IL17RD: variants seen among roughly 807,000 people sequenced by gnomAD.
IL17RD encodes the protein interleukin 17 receptor D, also known as interleukin-17 receptor D.
A neutral mutation model predicts 80.5 loss-of-function variants in IL17RD; 52 were observed. That is an observed-to-expected ratio of 0.65 (90% CI 0.52 to 0.81). The LOEUF (loss-of-function observed/expected upper bound fraction) is 0.81. Among genes scored for constraint, IL17RD ranks in the 40% least tolerant of loss-of-function variants. IL17RD has a pLI of 0.00. For synonymous variants in IL17RD, 416 were observed against 391.8 expected (o/e 1.06, Z -0.73); for missense variants, 1,024 against 955.1 (o/e 1.07, Z -0.95).
intron 1 of IL17RD, 101 bp downstream of exon 1, chr3:57,165,060 G>T: frequency 7.3e-7 from 1 of 1,371,176 alleles, no homozygotes; most frequent in Non-Finnish European, 9.3e-7. Context: ...ACCCCGCGAA[G>T]AGCAGACAGG....
chr3:57,105,552 A>AAAAAAAAAAAAAAAAAATAT lies in IL17RD; in HGVS notation c.747+304_747+305insATATTTTTTTTTTTTTTTTT. Among the ~76,000 whole-genome samples the AAAAAAAAAAAAAAAAAATAT allele has an allele frequency of 1.0e-3, 65 of 63,570 alleles. 1 individual carries two copies. Among genetic ancestry groups the AAAAAAAAAAAAAAAAAATAT allele is most frequent in the Non-Finnish European group, 1.6e-3 (58 of 35,910 alleles). The allele number at this position is 63,570 out of a possible 152,430, so 41.7% of individuals were successfully genotyped here. A position where few individuals can be genotyped will look rare whatever the true frequency, so the allele number is the denominator to read the frequency against. On this transcript the variant is annotated intron_variant, in intron 7 of 12. Transcript: ENST00000296318. Reference sequence around the variant, plus strand: ...ACTCCATCTCAAAAAAAAAAAAAAAAATATATATATATATATATTTGTTCA... The same window carrying AAAAAAAAAAAAAAAAAATAT: ...ACTCCATCTCAAAAAAAAAAAAAAAAAAAAAAAAAAAAAAAAATATATATATATATATATATATTTGTTCA...
At chr3:57,114,991 TG>T (rs1658861975) in intron 2 of IL17RD, among the ~76,000 whole-genome samples, 174 bp from the exon 3 acceptor site, 1 of 152,164 alleles carries the variant, frequency 6.6e-6, no homozygotes, top group South Asian at 2.1e-4. Context: ...CTTGGAAAAC[TG>T]TAAGATGTTA....
chr3:57,116,410 A>G (rs1292855259), intron 2 of IL17RD, among the ~76,000 whole-genome samples: 1 of 150,140 alleles, frequency 6.7e-6, no homozygotes, highest in African/African-American at 2.5e-5. Flanking sequence ...CAGCCTCCCG[A>G]GTAGCTGGGA....
intron 3 of IL17RD, among the ~76,000 whole-genome samples, chr3:57,113,233 TTTTA>T (rs1350123906): frequency 1.3e-5 from 2 of 152,168 alleles, no homozygotes; most frequent in African/African-American, 2.4e-5. Flanking sequence ...TTCTTTTGTT[TTTTA>T]TTTATTTATT....
chr3:57,148,939 C>G (rs549645958), intron 1 of IL17RD, among the ~76,000 whole-genome samples: 88 of 152,302 alleles, frequency 5.8e-4, no homozygotes, highest in African/African-American at 2.0e-3. Flanking sequence ...CAACTAACCT[C>G]TGCACCTTTT....
chr3:57,105,733 C>A (rs895618391), intron 7 of IL17RD, 124 bp downstream of exon 7: 6 of 729,298 alleles, frequency 8.2e-6, no homozygotes, highest in Admixed American at 3.0e-5. Context: ...ATTACATTCT[C>A]AAGTATCTAC....
At position 57,105,552 on chromosome 3, in the gene IL17RD, A is replaced by AAAAT; in HGVS notation, c.747+304_747+305insATTT. 7.1e-4 allele frequency among the ~76,000 whole-genome samples: 45 copies of AAAAT among 63,252 alleles called. 2 individuals carry two copies. The highest frequency in any genetic ancestry group is 1.8e-3 in the South Asian group (3 of 1,622). The allele number at this position is 63,252 out of a possible 152,430, so 41.5% of individuals were successfully genotyped here. ...ACTCCATCTCAAAAAAAAAAAAAAA[A>AAAAT]ATATATATATATATATATTTGTTCA... On this transcript the variant is annotated intron_variant, in intron 7 of 12. Transcript: ENST00000296318.
chr3:57,132,041 C>T (rs1299807055), intron 1 of IL17RD, among the ~76,000 whole-genome samples: 3 of 151,950 alleles, frequency 2.0e-5, no homozygotes, highest in Non-Finnish European at 4.4e-5. Flanking sequence ...AAAATATTAG[C>T]CAGACATGGT....
intron 5 of IL17RD, among the ~76,000 whole-genome samples, 183 bp from the exon 6 acceptor site, chr3:57,106,337 A>C (rs1322413536): frequency 6.6e-6 from 1 of 152,240 alleles, no homozygotes; most frequent in African/African-American, 2.4e-5. Context: ...TAAATGGTAT[A>C]ATATAAAAAT....
At chr3:57,156,810 G>A (rs2060270414) in intron 1 of IL17RD, among the ~76,000 whole-genome samples, 1 of 151,176 alleles carries the variant, frequency 6.6e-6, no homozygotes, top group Non-Finnish European at 1.5e-5. Context: ...CTCCAGCTTT[G>A]CCCACATCTT....
intron 1 of IL17RD, among the ~76,000 whole-genome samples, chr3:57,136,639 CTCA>C (rs1707734615): frequency 4.9e-5 from 4 of 81,874 alleles, no homozygotes; most frequent in African/African-American, 2.2e-4. Context: ...CCAACCCCCA[CTCA>C]AAAAAAAAAA....
At chr3:57,121,713 G>C (rs1353102112) in intron 1 of IL17RD, among the ~76,000 whole-genome samples, 1 of 152,142 alleles carries the variant, frequency 6.6e-6, no homozygotes, top group South Asian at 2.1e-4. Context: ...GTCTACAACT[G>C]CTTAGGGACA....
chr3:57,122,761 T>TTTA (rs71076021), intron 1 of IL17RD, among the ~76,000 whole-genome samples: 15 of 150,066 alleles, frequency 1.0e-4, no homozygotes, highest in East Asian at 1.9e-4. Context: ...TTTTTTTTTT[T>TTTA]AAAGAATTTA....
Position 57,096,478 on chromosome 3 carries a change from G to T in IL17RD, c.2135C>A (p.Ser712Tyr), listed in dbSNP as rs751675909. ...LGEEEPPALP[S>Y]KLLSSGSCKA... is the part of the protein sequence containing the mutation. ...GCATGACCCAGAAGAGAGGAGCTTGGAAGGAAGGGCAGGAGGTTCCTCCTC... is the reference window on the plus strand; with the variant it reads ...GCATGACCCAGAAGAGAGGAGCTTGTAAGGAAGGGCAGGAGGTTCCTCCTC... The change falls in exon 13 of 13, where the codon TCC becomes TAC. Residue 712 changes from serine to tyrosine, a missense_variant. Ser to Tyr is a moderately radical substitution (Grantham distance 144). Coordinates refer to ENST00000296318, the MANE Select transcript of IL17RD (RefSeq NM_017563.5). 6.2e-6 allele frequency: 10 copies of T among 1,613,692 alleles called. No individual in the cohort carries two copies. Among genetic ancestry groups the T allele is most frequent in the Non-Finnish European group, 8.5e-6 (10 of 1,179,694 alleles).
At chr3:57,104,596 C>T (rs1475327855) in intron 7 of IL17RD, among the ~76,000 whole-genome samples, 189 bp from the exon 8 acceptor site, 1 of 152,162 alleles carries the variant, frequency 6.6e-6, no homozygotes, top group Admixed American at 6.5e-5. Context: ...TGATAAAAGG[C>T]CCAGGACAGC....
rs760663269 is a variant in IL17RD, at chr3:57,097,761, G to A, written c.1942C>T (p.His648Tyr). Residue 648 changes from histidine to tyrosine, a missense_variant, in exon 12 of 13, where the codon CAC becomes TAC. Coordinates refer to ENST00000296318, the MANE Select transcript of IL17RD (RefSeq NM_017563.5). ...DGSAALQPLLHTVKAGSPSDM... is the reference protein window; with the variant it reads ...DGSAALQPLLYTVKAGSPSDM... ...GAGGGGCTGCCGGCTTTCACCGTGT[G>A]CAGCAGGGGTTGCAGGGCGGCGCTA... The A allele has an allele frequency of 6.9e-6, 11 of 1,603,474 alleles. No homozygotes were observed. The highest frequency in any genetic ancestry group is 9.4e-6 in the Non-Finnish European group (11 of 1,174,434).
intron 1 of IL17RD, among the ~76,000 whole-genome samples, chr3:57,149,923 G>C (rs905825226): frequency 1.3e-5 from 2 of 152,174 alleles, no homozygotes; most frequent in African/African-American, 4.8e-5. Flanking sequence ...ACAATTGACA[G>C]TTTTTGGTGT....
chr3:57,138,939 C>CAAAAA (rs1026336884), intron 1 of IL17RD, among the ~76,000 whole-genome samples: 6 of 40,416 alleles, frequency 1.5e-4, no homozygotes, highest in South Asian at 1.8e-3. Context: ...AACTCCATCT[C>CAAAAA]AAAAAAAAAA....
At chr3:57,159,641 G>C (rs956017476) in intron 1 of IL17RD, among the ~76,000 whole-genome samples, 2 of 152,168 alleles carry the variant, frequency 1.3e-5, no homozygotes, top group South Asian at 4.1e-4. Flanking sequence ...AGCACAGACA[G>C]CCCCCCGGCT....
Sources: allele counts gnomAD v4.1 joint callset (sites outside exome capture counted in the v4.1 genomes callset), GRCh38; gene constraint gnomAD v4.1.1; transcripts MANE v1.5; gene names NCBI Gene and HGNC (gene_info 2026-07-23, HGNC 2026-07-21).